The following PARD3B variants were observed in gnomAD, a reference collection of about 807,000 sequenced individuals.
PARD3B encodes the protein partitioning defective 3 homolog B.
A neutral mutation model predicts 130.2 loss-of-function variants in PARD3B; 103 were observed. The ratio of observed to expected loss-of-function variants is 0.79; its 90% CI spans 0.67 to 0.93. PARD3B has a LOEUF of 0.93. PARD3B is among the 40% of genes least tolerant of loss of function. The probability of loss-of-function intolerance (pLI) is 0.00; values close to 1 mark genes in which losing one functional copy is unlikely to be tolerated. For missense variants in PARD3B, 1,609 were observed against 1,499.2 expected (o/e 1.07, Z -1.21); for synonymous variants, 583 against 553.2 (o/e 1.05, Z -0.76).
At chr2:205,548,592 T>C (rs1302245827) in intron 21 of PARD3B, among the ~76,000 whole-genome samples, 2 of 152,140 alleles carry the variant, frequency 1.3e-5, no homozygotes, top group Non-Finnish European at 2.9e-5. Flanking sequence ...AGGTTTATGC[T>C]CTTACAATCT....
At chr2:204,884,120 C>A (rs2046183234) in intron 2 of PARD3B, among the ~76,000 whole-genome samples, 1 of 152,068 alleles carries the variant, frequency 6.6e-6, no homozygotes, top group Non-Finnish European at 1.5e-5. Context: ...GCTTCTTCAC[C>A]TTAGGGAGTA....
At chr2:204,867,702 G>T (rs2045479762) in intron 2 of PARD3B, among the ~76,000 whole-genome samples, 1 of 152,048 alleles carries the variant, frequency 6.6e-6, no homozygotes, top group African/African-American at 2.4e-5. Flanking sequence ...ACCATTTTAT[G>T]TGTTTTGCCA....
chr2:204,998,146 A>G (rs1396299006), intron 3 of PARD3B, among the ~76,000 whole-genome samples: 2 of 148,908 alleles, frequency 1.3e-5, no homozygotes, highest in African/African-American at 4.9e-5. Flanking sequence ...CGGGGAGGGG[A>G]ACATCACACA....
intron 2 of PARD3B, among the ~76,000 whole-genome samples, chr2:204,729,908 G>T (rs1279287791): frequency 6.6e-6 from 1 of 151,350 alleles, no homozygotes; most frequent in African/African-American, 2.4e-5. Flanking sequence ...ATATGGTTCC[G>T]ACTCCCAGGA....
At chr2:204,722,527 T>A (rs1211337127) in intron 2 of PARD3B, among the ~76,000 whole-genome samples, 2 of 152,204 alleles carry the variant, frequency 1.3e-5, no homozygotes, top group African/African-American at 4.8e-5. Flanking sequence ...ATTTTTTTCC[T>A]TTTGTTGAAG....
At chr2:205,110,827 G>C (rs1047780509) in intron 5 of PARD3B, among the ~76,000 whole-genome samples, 1 of 151,644 alleles carries the variant, frequency 6.6e-6, no homozygotes, top group African/African-American at 2.4e-5. Context: ...TTCTACTCTA[G>C]AGTTTATCTA....
At chr2:205,408,712 C>G (rs1315166116) in intron 19 of PARD3B, among the ~76,000 whole-genome samples, 1 of 152,102 alleles carries the variant, frequency 6.6e-6, no homozygotes, top group Non-Finnish European at 1.5e-5. Context: ...AACTTAATAA[C>G]TTTGGCACTA....
intron 2 of PARD3B, among the ~76,000 whole-genome samples, chr2:204,715,499 T>C (rs73984282): frequency 0.015 from 2,288 of 151,500 alleles, 55 homozygotes; most frequent in African/African-American, 0.051. Context: ...TTTTTTTTTT[T>C]CTGCTGCTGT....
chr2:204,726,323 T>C (rs1410878125), intron 2 of PARD3B, among the ~76,000 whole-genome samples: 1 of 152,216 alleles, frequency 6.6e-6, no homozygotes, highest in African/African-American at 2.4e-5. Context: ...CCAGTTTAGC[T>C]GCTGGTTCAT....
chr2:205,418,670 A>T (rs1425391656), intron 19 of PARD3B, among the ~76,000 whole-genome samples: 3 of 152,202 alleles, frequency 2.0e-5, no homozygotes, highest in African/African-American at 7.2e-5. Context: ...ACTTTAAAAA[A>T]TTTAAATTCT....
chr2:205,543,247 A>G (rs1375919842), intron 21 of PARD3B, among the ~76,000 whole-genome samples: 1 of 152,244 alleles, frequency 6.6e-6, no homozygotes, highest in Non-Finnish European at 1.5e-5. Context: ...AACTGAAAAA[A>G]AAACTGTACA....
chr2:204,791,548 T>A (rs2125476679), intron 2 of PARD3B, among the ~76,000 whole-genome samples: 1 of 152,334 alleles, frequency 6.6e-6, no homozygotes. Context: ...TGGATGAATC[T>A]CAGAAACCAT....
intron 22 of PARD3B, among the ~76,000 whole-genome samples, chr2:205,576,318 CTT>C (rs200866403): frequency 1.5e-5 from 2 of 134,638 alleles, no homozygotes; most frequent in African/African-American, 2.7e-5. Flanking sequence ...CAATTGGTGG[CTT>C]TTTTTTTTTT....
intron 1 of PARD3B, among the ~76,000 whole-genome samples, chr2:204,640,782 ATATT>A (rs2035048898): frequency 6.6e-6 from 1 of 151,868 alleles, no homozygotes. Context: ...CAGTCAGTAA[ATATT>A]TATTAAGTAT....
rs1316886826 is a variant in PARD3B at position 205,530,340 on chromosome 2, A to G, written c.3181-22984A>G. ...ACTTTTAGGTGAGGAGTAGATGCCA[A>G]CATCATAAGGATGTTGATGTAATTT... On this transcript the variant is annotated intron_variant, in intron 21 of 22. Transcript: ENST00000406610. The surrounding 1 kb of genome is among the most constrained non-coding windows in gnomAD (Gnocchi z 4.7). 6.6e-6 allele frequency among the ~76,000 whole-genome samples: 1 copy of G among 152,220 alleles called. No homozygotes were observed. The highest frequency in any genetic ancestry group is 1.5e-5 in the Non-Finnish European group (1 of 68,046).
In PARD3B at chr2:205,590,890, T is replaced by C. The variant is rs2054364066; in HGVS notation, c.3261-24566T>C. Among the ~76,000 whole-genome samples, 1 of 152,050 alleles carries C rather than the reference T, an allele frequency of 6.6e-6. No homozygotes were observed. ...TTTGACCCACAGGCTTCAAGAATAC[T>C]TCCTCAAGTAAATATAGTCCAGTGA... On this transcript the variant is annotated intron_variant, in intron 22 of 22. Coordinates refer to ENST00000406610, the MANE Select transcript of PARD3B (RefSeq NM_001302769.2). The surrounding 1 kb of genome is among the most constrained non-coding windows in gnomAD (Gnocchi z 4.1).
chr2:205,518,754 T>C (rs1419031403), intron 21 of PARD3B, among the ~76,000 whole-genome samples: 1 of 152,202 alleles, frequency 6.6e-6, no homozygotes, highest in East Asian at 1.9e-4. Context: ...TCTTTCAAGA[T>C]TTCTTGTAAG....
chr2:204,753,801 C>T (rs1440488402), intron 2 of PARD3B, among the ~76,000 whole-genome samples: 1 of 152,098 alleles, frequency 6.6e-6, no homozygotes, highest in Non-Finnish European at 1.5e-5. Context: ...AGCTGTAATC[C>T]TAGCACTCTG....
intron 18 of PARD3B, among the ~76,000 whole-genome samples, chr2:205,338,714 C>T (rs2043408019): frequency 6.6e-6 from 1 of 152,080 alleles, no homozygotes; most frequent in South Asian, 2.1e-4. Context: ...AGGAAGTAAC[C>T]ATGAGAAAAC....
Sources: gnomAD v4.1 joint callset for allele counts (sites outside exome capture counted in the v4.1 genomes callset) on GRCh38, gnomAD v4.1.1 for gene constraint, Gnocchi (gnomAD v3.1) non-coding constraint, MANE v1.5 for transcripts, NCBI Gene and HGNC (gene_info 2026-07-23, HGNC 2026-07-21) for gene names.